CNTN5: variants seen among roughly 807,000 people sequenced by gnomAD.
CNTN5 encodes contactin 5.
A neutral mutation model predicts 129.1 loss-of-function variants in CNTN5; 77 were observed. The ratio of observed to expected loss-of-function variants is 0.60; its 90% CI spans 0.50 to 0.72. CNTN5 has a LOEUF of 0.72. Among genes scored for constraint, CNTN5 ranks in the 30% least tolerant of loss-of-function variants. CNTN5 has a pLI of 0.00. For synonymous variants in CNTN5, 509 were observed against 465.6 expected (o/e 1.09, Z -1.20); for missense variants, 1,478 against 1,328.8 (o/e 1.11, Z -1.75).
intron 3 of CNTN5, among the ~76,000 whole-genome samples, chr11:99,641,244 TCTGCACA>T: frequency 6.6e-6 from 1 of 152,162 alleles, no homozygotes; most frequent in South Asian, 2.1e-4. Context: ...GCAGACAAAG[TCTGCACA>T]CTGAATTATC....
At chr11:99,597,092 T>C (rs991962382) in intron 3 of CNTN5, among the ~76,000 whole-genome samples, 1 of 152,200 alleles carries the variant, frequency 6.6e-6, no homozygotes, top group Non-Finnish European at 1.5e-5. Flanking sequence ...GCGTTAGAGT[T>C]AGGAAATGGT....
chr11:100,343,086 T>A (rs1383073997), intron 23 of CNTN5, among the ~76,000 whole-genome samples: 1 of 152,138 alleles, frequency 6.6e-6, no homozygotes, highest in African/African-American at 2.4e-5. Flanking sequence ...CATGTCTCAT[T>A]AGGTACAATT....
intron 3 of CNTN5, among the ~76,000 whole-genome samples, chr11:99,713,221 C>G (rs879229288): frequency 1.3e-5 from 2 of 151,956 alleles, no homozygotes; most frequent in East Asian, 3.9e-4. Flanking sequence ...AGTCGGATTC[C>G]TAGGCATTTT....
At chr11:99,619,897 G>A (rs1353972533) in intron 3 of CNTN5, among the ~76,000 whole-genome samples, 1 of 151,772 alleles carries the variant, frequency 6.6e-6, no homozygotes, top group Admixed American at 6.6e-5. Context: ...ATGGTGGCGG[G>A]CGCCTGTAGT....
At chr11:99,430,254 A>G (rs2135099584) in intron 2 of CNTN5, among the ~76,000 whole-genome samples, 1 of 152,152 alleles carries the variant, frequency 6.6e-6, no homozygotes, top group East Asian at 1.9e-4. Flanking sequence ...TGGAACAGAG[A>G]AATTAAGCAC....
chr11:99,122,707 C>T (rs1858407250), intron 1 of CNTN5, among the ~76,000 whole-genome samples: 1 of 151,962 alleles, frequency 6.6e-6, no homozygotes, highest in Non-Finnish European at 1.5e-5. Flanking sequence ...CTCCTCACGC[C>T]CTCCACCTAC....
At chr11:99,364,982 G>A (rs148530196) in intron 2 of CNTN5, among the ~76,000 whole-genome samples, 30 of 152,202 alleles carry the variant, frequency 2.0e-4, no homozygotes, top group African/African-American at 7.2e-4. Context: ...GAGATACAGA[G>A]ACAGTACTAT....
chr11:100,259,638 A>C (rs185979062), intron 17 of CNTN5, among the ~76,000 whole-genome samples: 272 of 152,334 alleles, frequency 1.8e-3, no homozygotes, highest in Admixed American at 2.7e-3. Context: ...AGGATTGAGA[A>C]ACTCACTCGA....
At chr11:99,524,283 CA>C (rs572023026) in intron 2 of CNTN5, among the ~76,000 whole-genome samples, 74 of 152,140 alleles carry the variant, frequency 4.9e-4, no homozygotes, top group African/African-American at 1.6e-3. Context: ...TCTGATTATA[CA>C]AGTTTGTTTT....
chr11:99,849,135 TAA>T (rs1013894941), intron 6 of CNTN5, among the ~76,000 whole-genome samples: 1 of 151,886 alleles, frequency 6.6e-6, no homozygotes, highest in African/African-American at 2.4e-5. Flanking sequence ...ATTGAAGAAT[TAA>T]GTTATCCATA....
intron 6 of CNTN5, among the ~76,000 whole-genome samples, chr11:99,904,118 AT>A (rs1279042680): frequency 1.3e-5 from 2 of 152,094 alleles, no homozygotes; most frequent in African/African-American, 4.8e-5. Flanking sequence ...TATATAGATA[AT>A]TTTGTATCTT....
Position 100,358,766 on chromosome 11 carries a change from G to GTA in CNTN5, c.*2553_*2554dup, listed in dbSNP as rs760890794. ...CTGTTAAATATATTGTGTACGATCT[G>GTA]TATATATACTATATATAAGGCATAT... On this transcript the variant is annotated 3_prime_UTR_variant, in exon 25 of 25. Coordinates refer to ENST00000524871, the MANE Select transcript of CNTN5 (RefSeq NM_014361.4). 2.4e-4 allele frequency: 36 copies of GTA among 151,846 alleles called. No individual in the cohort carries two copies. The highest frequency in any genetic ancestry group is 5.0e-4 in the Non-Finnish European group (34 of 67,854). The allele number at this position is 151,846 out of a possible 1,614,324, so 9.4% of individuals were successfully genotyped here.
chr11:99,116,557 T>G (rs1858056050), intron 1 of CNTN5, among the ~76,000 whole-genome samples: 1 of 152,168 alleles, frequency 6.6e-6, no homozygotes, highest in African/African-American at 2.4e-5. Flanking sequence ...ACAAAATAAA[T>G]ATTCTCTCTA....
chr11:99,734,262 T>A (rs1234900505), intron 3 of CNTN5, among the ~76,000 whole-genome samples: 1 of 152,212 alleles, frequency 6.6e-6, no homozygotes, highest in Admixed American at 6.5e-5. Context: ...ATATTCTTAC[T>A]GTAACATGTG....
intron 3 of CNTN5, among the ~76,000 whole-genome samples, chr11:99,751,990 G>A (rs1296814926): frequency 6.6e-6 from 1 of 151,922 alleles, no homozygotes; most frequent in Non-Finnish European, 1.5e-5. Flanking sequence ...TGTAAGCAGA[G>A]AGAACTATCC....
At chr11:100,255,180 T>G (rs920881201) in intron 16 of CNTN5, among the ~76,000 whole-genome samples, 1 of 152,192 alleles carries the variant, frequency 6.6e-6, no homozygotes, top group African/African-American at 2.4e-5. Flanking sequence ...CTACAGAACT[T>G]TATGTATGTC....
At chr11:100,267,253 C>CCACACACACACACACACACACACACA (rs113458728) in intron 17 of CNTN5, among the ~76,000 whole-genome samples, 1 of 143,760 alleles carries the variant, frequency 7.0e-6, no homozygotes, top group Non-Finnish European at 1.5e-5. Context: ...CATGAATCAA[C>CCACACACACACACACACACACACACA]CACACACACA....
intron 18 of CNTN5, among the ~76,000 whole-genome samples, chr11:100,278,365 G>C (rs750992753): frequency 1.1e-4 from 17 of 152,122 alleles, no homozygotes; most frequent in Admixed American, 2.0e-4. Flanking sequence ...TTGTTATTTT[G>C]ATAGGGATTG....
chr11:99,918,695 A>G (rs988422304), intron 7 of CNTN5, among the ~76,000 whole-genome samples: 3 of 152,188 alleles, frequency 2.0e-5, no homozygotes. Context: ...ATAGTGTACT[A>G]TAGTAGAGTA....
Sources: allele counts gnomAD v4.1 joint callset (sites outside exome capture counted in the v4.1 genomes callset), GRCh38; gene constraint gnomAD v4.1.1; transcripts MANE v1.5; gene names NCBI Gene and HGNC (gene_info 2026-07-23, HGNC 2026-07-21).